Variants in CYP2C18 observed in about 807,000 individuals in gnomAD.
CYP2C18 encodes the protein cytochrome P450 family 2 subfamily C member 18, also known as cytochrome P450 2C18.
Under a neutral mutation model 41.3 loss-of-function variants are expected in CYP2C18, and 38 were observed. The observed-to-expected ratio is 0.92, with a 90% CI of 0.71 to 1.21. The LOEUF is 1.21. Among genes scored for constraint, CYP2C18 ranks in the 50% most tolerant of loss-of-function variants. The probability of loss-of-function intolerance (pLI) is 0.00; values close to 1 mark genes in which losing one functional copy is unlikely to be tolerated. For missense variants in CYP2C18, 635 were observed against 591.4 expected (o/e 1.07, Z -0.77); for synonymous variants, 236 against 210.0 (o/e 1.12, Z -1.07).
Position 94,733,427 on chromosome 10 carries a change from C to T in CYP2C18, c.1280C>T (p.Pro427Leu). The change falls in exon 8 of 9, where the codon CCT becomes CTT. Residue 427 changes from proline to leucine, a missense_variant. Coordinates refer to ENST00000285979, the MANE Select transcript of CYP2C18 (RefSeq NM_000772.3). ...GNFKKSDYFM[P>L]FSAGKRMCMG... ...TTTAAGAAAAGTGACTACTTCATGC[C>T]TTTCTCAGCAGGTAATAGATATTCA... 6.2e-7 allele frequency: 1 copy of T among 1,613,232 alleles called. No individual in the cohort carries two copies. Among genetic ancestry groups the T allele is most frequent in the African/African-American group, 1.3e-5 (1 of 74,974 alleles).
rs565252948 is a variant in CYP2C18 at position 94,701,753 on chromosome 10, C to G, written c.643-5031C>G. On this transcript the variant is annotated intron_variant, in intron 4 of 8. Coordinates refer to ENST00000285979, the MANE Select transcript of CYP2C18 (RefSeq NM_000772.3). ...GCAGGTCAACTTTCTGTCATCTTGT[C>G]CAAGGGAAAAGCACACTAAGCTGGG... Among the ~76,000 whole-genome samples, 6 of 152,236 alleles carry G rather than the reference C, an allele frequency of 3.9e-5. 1 individual carries two copies. Among genetic ancestry groups the G allele is most frequent in the Admixed American group, 3.9e-4 (6 of 15,292 alleles).
At chr10:94,729,926 A>T (rs1469792267) in intron 7 of CYP2C18, among the ~76,000 whole-genome samples, 1 of 152,184 alleles carries the variant, frequency 6.6e-6, no homozygotes, top group Non-Finnish European at 1.5e-5. Context: ...AGCCTGTAAC[A>T]ATCTACAACT....
intron 7 of CYP2C18, chr10:94,728,725 C>A: frequency 2.8e-6 from 1 of 361,394 alleles, no homozygotes. Flanking sequence ...TGAACAGATT[C>A]CAAATTCTCC....
At chr10:94,700,217 A>T (rs1847209376) in intron 4 of CYP2C18, among the ~76,000 whole-genome samples, 1 of 152,200 alleles carries the variant, frequency 6.6e-6, no homozygotes, top group African/African-American at 2.4e-5. Flanking sequence ...ACACTACCTG[A>T]CTTCAAACTA....
chr10:94,696,814 C>T (rs930081156), intron 4 of CYP2C18, among the ~76,000 whole-genome samples: 9 of 151,968 alleles, frequency 5.9e-5, no homozygotes, highest in East Asian at 5.8e-4. Context: ...AACCACGGCC[C>T]GAGAATTATG....
At chr10:94,701,945 T>C (rs1433649900) in intron 4 of CYP2C18, among the ~76,000 whole-genome samples, 2 of 152,206 alleles carry the variant, frequency 1.3e-5, no homozygotes, top group Non-Finnish European at 2.9e-5. Context: ...TTTGGATTAA[T>C]CTTTCTGTAA....
At chr10:94,692,050 A>T (rs1265899657) in intron 3 of CYP2C18, among the ~76,000 whole-genome samples, 11 of 152,226 alleles carry the variant, frequency 7.2e-5, no homozygotes, top group Non-Finnish European at 1.5e-5. Context: ...CTTAAATGTT[A>T]GACGTAAAAC....
At position 94,724,473 on chromosome 10, in the gene CYP2C18, C is replaced by T. The variant is rs1341762243; in HGVS notation, c.1089C>T (p.Pro363=). 2.5e-6 allele frequency: 4 copies of T among 1,613,502 alleles called. No individual in the cohort carries two copies. Among genetic ancestry groups the T allele is most frequent in the Admixed American group, 1.7e-5 (1 of 59,920 alleles). The change falls in exon 7 of 9, where the codon CCC becomes CCT. Residue 363 remains proline (P), a synonymous_variant. Transcript: ENST00000285979. The part of the protein sequence containing the change: ...HEIQRYIDLL[P]TNLPHAVTCD... ...TCCAGAGATACATTGACCTCCTCCCCACCAACCTGCCCCATGCAGTGACCT... is the reference window on the plus strand; with the variant it reads ...TCCAGAGATACATTGACCTCCTCCCTACCAACCTGCCCCATGCAGTGACCT...
chr10:94,712,763 T>C (rs964745881), intron 5 of CYP2C18, among the ~76,000 whole-genome samples: 1 of 152,204 alleles, frequency 6.6e-6, no homozygotes, highest in Non-Finnish European at 1.5e-5. Context: ...GAGGAACCTT[T>C]TACTGTTTTC....
rs1847627750 is a variant in CYP2C18 at position 94,720,461 on chromosome 10, T to C, written c.885T>C (p.Phe295=). 1 of 1,613,132 alleles carries C rather than the reference T, an allele frequency of 6.2e-7. No individual in the cohort carries two copies. The highest frequency in any genetic ancestry group is 8.5e-7 in the Non-Finnish European group (1 of 1,179,438). Residue 295 remains phenylalanine (F), a synonymous_variant, in exon 6 of 9, where the codon TTT becomes TTC. Transcript: ENST00000285979. The part of the protein sequence containing the change: ...ESLIATVTDM[F]GAGTETTSTT... ...TGATAGCCACTGTAACTGATATGTT[T>C]GGGGCTGGAACAGAGACAACGAGCA...
chr10:94,710,411 TA>T (rs1341029503), intron 5 of CYP2C18, among the ~76,000 whole-genome samples: 1 of 152,248 alleles, frequency 6.6e-6, no homozygotes, highest in African/African-American at 2.4e-5. Flanking sequence ...CCATTTCTAT[TA>T]AAAAGGTAAC....
chr10:94,733,719 T>C, intron 8 of CYP2C18: 1 of 422,576 alleles, frequency 2.4e-6, no homozygotes, highest in Non-Finnish European at 3.2e-6. Context: ...ACCCAAGAGC[T>C]CTTCTTAATG....
intron 5 of CYP2C18, among the ~76,000 whole-genome samples, chr10:94,716,284 A>G (rs1456317632): frequency 6.6e-6 from 1 of 152,054 alleles, no homozygotes; most frequent in Non-Finnish European, 1.5e-5. Flanking sequence ...TAGGGTGTCA[A>G]TTTTAGATCT....
intron 5 of CYP2C18, among the ~76,000 whole-genome samples, chr10:94,709,506 T>G (rs1302122197): frequency 6.6e-6 from 1 of 152,170 alleles, no homozygotes; most frequent in Non-Finnish European, 1.5e-5. Context: ...TAGATAAAAG[T>G]CCCATATCAG....
At chr10:94,696,938 TAAG>T (rs1554842286) in intron 4 of CYP2C18, among the ~76,000 whole-genome samples, 1 of 151,952 alleles carries the variant, frequency 6.6e-6, no homozygotes, top group Non-Finnish European at 1.5e-5. Flanking sequence ...AAAAAAAGAA[TAAG>T]AAGAAATGAA....
At chr10:94,693,162 TA>T (rs904640153) in intron 3 of CYP2C18, among the ~76,000 whole-genome samples, 6 of 151,968 alleles carry the variant, frequency 3.9e-5, no homozygotes, top group African/African-American at 7.2e-5. Flanking sequence ...TTAAAGTATA[TA>T]AAAAAAAGTG....
chr10:94,721,106 C>T (rs112699749), intron 6 of CYP2C18, among the ~76,000 whole-genome samples: 4,854 of 151,904 alleles, frequency 0.032, 128 homozygotes, highest in Middle Eastern at 0.13. Flanking sequence ...CTCCGCCTCC[C>T]GGGTTCAAGT....
At chr10:94,711,673 A>G (rs1206994457) in intron 5 of CYP2C18, among the ~76,000 whole-genome samples, 3 of 152,072 alleles carry the variant, frequency 2.0e-5, no homozygotes, top group African/African-American at 7.2e-5. Flanking sequence ...AGCTTCCGAC[A>G]GTGCTGGGAT....
chr10:94,712,532 A>C (rs1847458018), intron 5 of CYP2C18, among the ~76,000 whole-genome samples: 1 of 152,068 alleles, frequency 6.6e-6, no homozygotes, highest in Non-Finnish European at 1.5e-5. Flanking sequence ...CTTCATTTTT[A>C]AGGCTGAATA....
Sources: gnomAD v4.1 joint callset for allele counts (sites outside exome capture counted in the v4.1 genomes callset) on GRCh38, gnomAD v4.1.1 for gene constraint, MANE v1.5 for transcripts, NCBI Gene and HGNC (gene_info 2026-07-23, HGNC 2026-07-21) for gene names.